SPATC1: variants seen among roughly 807,000 people sequenced by gnomAD.
SPATC1 encodes the protein spermatogenesis and centriole associated 1.
SPATC1 carries 35 observed loss-of-function variants against 36.5 expected under a neutral mutation model. The observed-to-expected ratio is 0.96, with a 90% CI of 0.73 to 1.27. The LOEUF (loss-of-function observed/expected upper bound fraction) is 1.27, where lower values mean the gene tolerates loss of function less well. Ranked by LOEUF, SPATC1 falls within the 50% of genes most tolerant of loss-of-function variation. The pLI is 0.00. For synonymous variants in SPATC1, 361 were observed against 353.6 expected (o/e 1.02, Z -0.24); for missense variants, 779 against 796.0 (o/e 0.98, Z 0.26).
At position 144,012,679 on chromosome 8, in the gene SPATC1, G is replaced by A. The variant is rs782698641; in HGVS notation, c.164G>A (p.Ser55Asn). ...GGGCTCGGCATCAGCGGGTTCACGA[G>A]TGGGCTTGGTGAGGCAACAGCAGGC... ...AGGLGISGFT[S>N]GLGEATAGLS... The change falls in exon 1 of 5, where the codon AGT becomes AAT. Residue 55 changes from serine (S) to asparagine (N), a missense_variant. By Grantham distance (46) the Ser-to-Asn change is conservative. Coordinates refer to ENST00000377470, the MANE Select transcript of SPATC1 (RefSeq NM_198572.3). 1 of 1,551,712 alleles carries A rather than the reference G, an allele frequency of 6.4e-7. No homozygotes were observed. The highest frequency in any genetic ancestry group is 8.7e-7 in the Non-Finnish European group (1 of 1,147,000).
intron 1 of SPATC1, among the ~76,000 whole-genome samples, chr8:144,033,735 G>A (rs1834843859): frequency 6.6e-6 from 1 of 152,210 alleles, no homozygotes; most frequent in Admixed American, 6.5e-5. Context: ...GCATGCACTG[G>A]CCTCAGTGAC....
chr8:144,023,382 A>G (rs1834593237), intron 1 of SPATC1, among the ~76,000 whole-genome samples: 2 of 30,628 alleles, frequency 6.5e-5, no homozygotes, highest in Non-Finnish European at 1.4e-4. Flanking sequence ...TTCCCTAAGG[A>G]CCCTCTTCCC....
At chr8:144,020,199 TCCCTCAGGACCATCTC>T (rs1190005781) in intron 1 of SPATC1, among the ~76,000 whole-genome samples, 2 of 149,724 alleles carry the variant, frequency 1.3e-5, no homozygotes, top group Non-Finnish European at 3.0e-5. Flanking sequence ...AGGACCCTCT[TCCCTCAGGACCATCTC>T]CCCTCAGGAG....
At position 144,041,061 on chromosome 8, in the gene SPATC1, G is replaced by A; in HGVS notation, c.1260G>A (p.Arg420=). The change falls in exon 3 of 5, where the codon CGG becomes CGA. Residue 420 remains arginine, a synonymous_variant. Coordinates refer to ENST00000377470, the MANE Select transcript of SPATC1 (RefSeq NM_198572.3). ...CGAAGAGCATGATGGAGGTGGAACG[G>A]AAGCTGGCCCACCGCAAGACCAGCA... ...PSTKSMMEVE[R]KLAHRKTSKF... 1 of 1,600,452 alleles carries A rather than the reference G, an allele frequency of 6.2e-7. No homozygotes were observed. Among genetic ancestry groups the A allele is most frequent in the South Asian group, 1.1e-5 (1 of 89,588 alleles).
chr8:144,027,165 G>A (rs1455851629), intron 1 of SPATC1, among the ~76,000 whole-genome samples: 1 of 151,646 alleles, frequency 6.6e-6, no homozygotes, highest in East Asian at 1.9e-4. Flanking sequence ...ATAGAGACAA[G>A]GTCTCACTAT....
intron 1 of SPATC1, among the ~76,000 whole-genome samples, chr8:144,026,511 T>C (rs1193393014): frequency 6.6e-6 from 1 of 152,210 alleles, no homozygotes; most frequent in Non-Finnish European, 1.5e-5. Context: ...GTTCAACTGT[T>C]TAAGGAACTG....
intron 1 of SPATC1, among the ~76,000 whole-genome samples, chr8:144,030,628 T>C (rs1261509767): frequency 6.6e-6 from 1 of 152,070 alleles, no homozygotes; most frequent in Non-Finnish European, 1.5e-5. Context: ...CAAAGTGCTG[T>C]GATTACAGGC....
upstream of SPATC1, among the ~76,000 whole-genome samples, chr8:144,011,835 C>A (rs1025439914): frequency 1.3e-5 from 2 of 152,040 alleles, no homozygotes; most frequent in African/African-American, 2.4e-5. This position sits in a 1 kb window ranked among gnomAD's most constrained non-coding sequence, Gnocchi z 4.5. Context: ...GCTCCTGGAC[C>A]AGCAGTAAGA....
upstream of SPATC1, among the ~76,000 whole-genome samples, chr8:144,011,967 G>A (rs567435395): frequency 6.6e-6 from 1 of 152,182 alleles, no homozygotes; most frequent in African/African-American, 2.4e-5. This position sits in a 1 kb window ranked among gnomAD's most constrained non-coding sequence, Gnocchi z 4.5. Flanking sequence ...CCAAGAAGGG[G>A]CATCCTGGCC....
chr8:144,039,871 G>C, intron 1 of SPATC1, 38 bp from the exon 2 acceptor site: 2 of 1,584,680 alleles, frequency 1.3e-6, no homozygotes, highest in Non-Finnish European at 1.7e-6. Context: ...GTCTGGAGGG[G>C]CTCCCCTGGG....
At chr8:144,022,531 A>T (rs1470562195) in intron 1 of SPATC1, among the ~76,000 whole-genome samples, 1 of 20,884 alleles carries the variant, frequency 4.8e-5, no homozygotes, top group Admixed American at 4.7e-4. Context: ...TCTCTCAGGA[A>T]CCTCTTCCCT....
chr8:144,035,573 G>A (rs930702595), intron 1 of SPATC1, among the ~76,000 whole-genome samples: 10 of 152,308 alleles, frequency 6.6e-5, no homozygotes, highest in African/African-American at 9.6e-5. Flanking sequence ...TGTGTGCTAC[G>A]TGATGGTCCT....
chr8:144,029,563 G>A (rs968232319), intron 1 of SPATC1, among the ~76,000 whole-genome samples: 9 of 152,244 alleles, frequency 5.9e-5, no homozygotes, highest in South Asian at 2.1e-4. Flanking sequence ...GCAAAACTCC[G>A]TCTCAAAAAC....
At chr8:144,032,965 C>T (rs1834827668) in intron 1 of SPATC1, among the ~76,000 whole-genome samples, 1 of 151,770 alleles carries the variant, frequency 6.6e-6, no homozygotes, top group Non-Finnish European at 1.5e-5. Flanking sequence ...CAACGACCAA[C>T]TACGACCCAC....
At chr8:144,019,227 A>C (rs890879595) in intron 1 of SPATC1, among the ~76,000 whole-genome samples, 105 of 152,320 alleles carry the variant, frequency 6.9e-4, no homozygotes, top group Non-Finnish European at 7.6e-4. Flanking sequence ...GGAGGCAAGC[A>C]GGCAGTGCCG....
At chr8:144,031,880 G>A (rs1417076951) in intron 1 of SPATC1, among the ~76,000 whole-genome samples, 10 of 151,630 alleles carry the variant, frequency 6.6e-5, no homozygotes, top group Non-Finnish European at 1.0e-4. Context: ...CATCACATCC[G>A]GCTAATTTTT....
intron 1 of SPATC1, 74 bp downstream of exon 1, chr8:144,012,800 G>C (rs1357655023): frequency 1.4e-6 from 2 of 1,451,220 alleles, no homozygotes; most frequent in East Asian, 5.0e-5. Context: ...TCAGTGTGCT[G>C]AGGTCTCAGG....
intron 1 of SPATC1, among the ~76,000 whole-genome samples, chr8:144,020,265 G>A (rs1271357057): frequency 7.3e-6 from 1 of 136,422 alleles, no homozygotes; most frequent in South Asian, 2.4e-4. Context: ...GACCCTCTCC[G>A]CTGAAGAACC....
At chr8:144,017,855 A>C (rs1213681615) in intron 1 of SPATC1, among the ~76,000 whole-genome samples, 1 of 152,194 alleles carries the variant, frequency 6.6e-6, no homozygotes, top group Non-Finnish European at 1.5e-5. Flanking sequence ...GTTTTGGAGC[A>C]AGAAAATGAG....
Sources: allele counts gnomAD v4.1 joint callset (sites outside exome capture counted in the v4.1 genomes callset), GRCh38; gene constraint gnomAD v4.1.1; non-coding constraint Gnocchi (gnomAD v3.1); transcripts MANE v1.5; gene names NCBI Gene and HGNC (gene_info 2026-07-23, HGNC 2026-07-21).